Variants in UXS1 observed in about 807,000 individuals in gnomAD.
UXS1 encodes UDP-glucuronate decarboxylase 1.
A neutral mutation model predicts 62.6 loss-of-function variants in UXS1; 33 were observed. That is an observed-to-expected ratio of 0.53 (90% confidence interval 0.40 to 0.70). The LOEUF is 0.70. Ranked by LOEUF, UXS1 falls within the 30% of genes least tolerant of loss-of-function variation. The pLI is 0.00. For synonymous variants in UXS1, 213 were observed against 206.8 expected, an observed-to-expected ratio of 1.03 and a Z score of -0.26; for missense variants, 434 against 556.3, an observed-to-expected ratio of 0.78 and a Z score of 2.21.
intron 6 of UXS1, 73 bp downstream of exon 6, chr2:106,145,117 C>A: frequency 6.6e-7 from 1 of 1,525,378 alleles, no homozygotes; most frequent in Non-Finnish European, 8.9e-7. Flanking sequence ...ACAGCTTACC[C>A]TCAGGAATCC....
chr2:106,175,496 CCTT>C (rs892448309), intron 1 of UXS1, among the ~76,000 whole-genome samples: 11 of 152,330 alleles, frequency 7.2e-5, no homozygotes, highest in African/African-American at 2.6e-4. Flanking sequence ...GTCTCTGTGT[CCTT>C]CTTTTAAGTC....
intron 9 of UXS1, among the ~76,000 whole-genome samples, chr2:106,121,533 A>T (rs1679521483): frequency 6.6e-6 from 1 of 152,134 alleles, no homozygotes; most frequent in African/African-American, 2.4e-5. Context: ...TCTAGTCAGT[A>T]CTCCTAAGTA....
chr2:106,152,594 G>A (rs964250232), intron 5 of UXS1, among the ~76,000 whole-genome samples: 1 of 149,598 alleles, frequency 6.7e-6, no homozygotes, highest in South Asian at 2.1e-4. Flanking sequence ...AGAAAGAAAA[G>A]AAAAGAAAAA....
chr2:106,186,455 TATACACAC>T (rs1174085204), intron 1 of UXS1, among the ~76,000 whole-genome samples: 2 of 141,276 alleles, frequency 1.4e-5, no homozygotes, highest in South Asian at 2.2e-4. Flanking sequence ...TATATATATA[TATACACAC>T]ACACACACAC....
rs1173060125 is a variant in UXS1 at position 106,194,249 on chromosome 2, A to G, written c.-8T>C. 1.4e-6 allele frequency: 2 copies of G among 1,404,438 alleles called. No homozygotes were observed. Among genetic ancestry groups the G allele is most frequent in the Non-Finnish European group, 1.9e-6 (2 of 1,069,872 alleles). The allele number at this position is 1,404,438 out of a possible 1,614,324, so 87.0% of individuals were successfully genotyped here. ...CAGCGCCTTGCTCACCATCCCCGGG[A>G]GCCGCGCGGGTCCAGGGCCCTACCG... On this transcript the variant is annotated 5_prime_UTR_variant, in exon 1 of 15. Transcript: ENST00000283148.
In UXS1 at chr2:106,158,085, T is replaced by C. The variant is rs1290318123; in HGVS notation, c.264A>G (p.Leu88=). The change falls in exon 5 of 15, where the codon TTA becomes TTG. Residue 88 remains leucine (L), a synonymous_variant. Transcript: ENST00000283148. The stretch of plus-strand genomic sequence containing the variant: ...AAATTCTTTTCCGATCCTTTTCTGA[T>C]AAAAACTTTACTGGTGGGTATTTCT... ...FTQKYPPVKF[L]SEKDRKRILI... The C allele has an allele frequency of 3.8e-6, 6 of 1,567,870 alleles. No individual in the cohort carries two copies. The highest frequency in any genetic ancestry group is 4.3e-6 in the Non-Finnish European group (5 of 1,155,012).
intron 9 of UXS1, among the ~76,000 whole-genome samples, chr2:106,121,087 G>A (rs543112914): frequency 2.6e-5 from 4 of 152,280 alleles, no homozygotes; most frequent in East Asian, 1.9e-4. Flanking sequence ...CAGATGACAC[G>A]AACGGGTCCA....
chr2:106,160,240 C>T (rs1312666851), intron 4 of UXS1: 1 of 152,266 alleles, frequency 6.6e-6, no homozygotes, highest in African/African-American at 2.4e-5. Flanking sequence ...ACCTCTCACA[C>T]CGCTCCAATT....
At chr2:106,167,574 C>A (rs1190939406) in intron 1 of UXS1, among the ~76,000 whole-genome samples, 1 of 152,072 alleles carries the variant, frequency 6.6e-6, no homozygotes, top group African/African-American at 2.4e-5. Context: ...TCCATAGAAG[C>A]ACATCTCTCT....
At chr2:106,125,775 A>G in intron 7 of UXS1, 96 bp from the exon 8 acceptor site, 1 of 1,050,194 alleles carries the variant, frequency 9.5e-7, no homozygotes, top group Non-Finnish European at 1.3e-6. Flanking sequence ...TATTAAAGAC[A>G]TTTAATTATC....
intron 9 of UXS1, among the ~76,000 whole-genome samples, chr2:106,116,060 G>T (rs1679029251): frequency 6.6e-6 from 1 of 152,190 alleles, no homozygotes; most frequent in South Asian, 2.1e-4. Flanking sequence ...TGAGAGAGGG[G>T]TGAGGGCTTG....
At chr2:106,128,305 G>T (rs535912251) in intron 7 of UXS1, among the ~76,000 whole-genome samples, 67 of 152,276 alleles carry the variant, frequency 4.4e-4, no homozygotes, top group African/African-American at 1.6e-3. Context: ...GCTCTTTCCA[G>T]ATAGGAAGAA....
At chr2:106,137,835 T>A (rs1278941341) in intron 6 of UXS1, among the ~76,000 whole-genome samples, 1 of 151,920 alleles carries the variant, frequency 6.6e-6, no homozygotes, top group East Asian at 1.9e-4. Flanking sequence ...ATTAAAATTT[T>A]AAAAAATGAA....
intron 5 of UXS1, among the ~76,000 whole-genome samples, chr2:106,155,061 A>G (rs1410260942): frequency 6.6e-6 from 1 of 152,192 alleles, no homozygotes; most frequent in South Asian, 2.1e-4. Flanking sequence ...TTTTTTAACA[A>G]TCAGGTCTTG....
intron 1 of UXS1, among the ~76,000 whole-genome samples, chr2:106,173,404 AT>A (rs1307595617): frequency 2.0e-5 from 3 of 152,138 alleles, no homozygotes; most frequent in Non-Finnish European, 4.4e-5. Context: ...AAATACAAAA[AT>A]TAGCTGGGCA....
chr2:106,100,299 C>CTTGGCTG (rs1677485423), intron 12 of UXS1, among the ~76,000 whole-genome samples: 1 of 152,166 alleles, frequency 6.6e-6, no homozygotes, highest in Non-Finnish European at 1.5e-5. Flanking sequence ...GAGGTCCTAC[C>CTTGGCTG]ATGACCTTGG....
Position 106,123,194 on chromosome 2 carries a change from T to G in UXS1, c.638-103A>C, listed in dbSNP as rs559926382. On this transcript the variant is annotated intron_variant, in intron 8 of 14. Coordinates refer to ENST00000283148, the MANE Select transcript of UXS1 (RefSeq NM_001253875.2). Reference sequence around the variant, plus strand: ...AAAGGGAACTTCGGAAAGACCCATTTAGAGATGGAGAGATGTATTAAAGAG... The same window carrying G: ...AAAGGGAACTTCGGAAAGACCCATTGAGAGATGGAGAGATGTATTAAAGAG... 10 of 1,530,524 alleles carry G rather than the reference T, an allele frequency of 6.5e-6. No individual in the cohort carries two copies. The East Asian group carries it at 2.3e-4, about 36-fold the overall frequency. The allele number at this position is 1,530,524 out of a possible 1,614,324, so 94.8% of individuals were successfully genotyped here.
intron 10 of UXS1, among the ~76,000 whole-genome samples, chr2:106,105,333 A>G (rs1288413677): frequency 2.0e-5 from 3 of 151,962 alleles, no homozygotes; most frequent in African/African-American, 7.2e-5. Flanking sequence ...TCCCCAGGAG[A>G]TTCTAATATA....
intron 10 of UXS1, among the ~76,000 whole-genome samples, chr2:106,108,160 A>G (rs1205021679): frequency 6.6e-6 from 1 of 152,218 alleles, no homozygotes; most frequent in Non-Finnish European, 1.5e-5. Flanking sequence ...AGCATATCAC[A>G]TCCATCATCT....
Sources: gnomAD v4.1 joint callset for allele counts (sites outside exome capture counted in the v4.1 genomes callset) on GRCh38, gnomAD v4.1.1 for gene constraint, MANE v1.5 for transcripts, NCBI Gene and HGNC (gene_info 2026-07-23, HGNC 2026-07-21) for gene names.